NBAS: variants seen among roughly 807,000 people sequenced by gnomAD.
The protein encoded by NBAS is NBAS subunit of NRZ tethering complex.
A neutral mutation model predicts 302.5 loss-of-function variants in NBAS; 219 were observed. The ratio of observed to expected loss-of-function variants is 0.72; its 90% CI spans 0.65 to 0.81. The LOEUF is 0.81. Ranked by LOEUF, NBAS falls within the 30% of genes least tolerant of loss-of-function variation. NBAS has a pLI of 0.00. For synonymous variants in NBAS, 1,118 were observed against 1,021.6 expected (o/e 1.09, Z -1.80); for missense variants, 2,932 against 2,841.6 (o/e 1.03, Z -0.72).
At chr2:15,517,176 A>G (rs878869674) in intron 9 of NBAS, among the ~76,000 whole-genome samples, 1 of 152,042 alleles carries the variant, frequency 6.6e-6, no homozygotes, top group African/African-American at 2.4e-5. Flanking sequence ...GTTTAGAGGT[A>G]TATGTTCAGG....
intron 46 of NBAS, among the ~76,000 whole-genome samples, chr2:15,234,166 C>T (rs1667491986): frequency 5.3e-5 from 8 of 152,172 alleles, no homozygotes; most frequent in Admixed American, 5.2e-4. Flanking sequence ...TTCTGGGAAC[C>T]ATTTTCCCAC....
At chr2:15,245,273 A>C (rs1668041553) in intron 44 of NBAS, among the ~76,000 whole-genome samples, 3 of 149,280 alleles carry the variant, frequency 2.0e-5, no homozygotes, top group Non-Finnish European at 3.0e-5. Flanking sequence ...CTGCCTTCAC[A>C]CTCTCAGGCC....
In NBAS at chr2:15,467,350, T is replaced by C; in HGVS notation, c.2076A>G (p.Leu692=). The change falls in exon 19 of 52, where the codon TTA becomes TTG. Residue 692 remains leucine, a synonymous_variant. Coordinates refer to ENST00000281513, the MANE Select transcript of NBAS (RefSeq NM_015909.4). ...TTACCTCATATGTTGCAAGTCGATC[T>C]AAGTAGGTTAATAACTTCCGTCTAC... ...CRCRRKLLTY[L]DRLATYEEIL... is the part of the protein sequence containing the mutation. The C allele has an allele frequency of 6.2e-7, 1 of 1,613,150 alleles. No homozygotes were observed. Among genetic ancestry groups the C allele is most frequent in the Non-Finnish European group, 8.5e-7 (1 of 1,179,260 alleles).
chr2:15,012,377 A>G, the NBAS span, among the ~76,000 whole-genome samples: 7 of 152,132 alleles, frequency 4.6e-5, no homozygotes, highest in African/African-American at 1.7e-4. Flanking sequence ...AAGAATAAAA[A>G]AGAAAAGAAA....
chr2:14,957,790 C>A, the NBAS span, among the ~76,000 whole-genome samples: 1 of 152,204 alleles, frequency 6.6e-6, no homozygotes, highest in Non-Finnish European at 1.5e-5. Context: ...CTCATCCTTC[C>A]CACCAGGGGA....
chr2:15,417,679 T>A lies in NBAS; in HGVS notation c.2611A>T (p.Met871Leu), dbSNP rs1677012266. ...DCALSLIRLG[M>L]ERNIPGLLVL... ...AGCAAACCAGGAATATTCCGCTCCA[T>A]CCCAAGTCGAATAAGTGACAATGCA... The change falls in exon 24 of 52, where the codon ATG becomes TTG. Residue 871 changes from methionine to leucine, a missense_variant. Met to Leu is a conservative substitution (Grantham distance 15). Transcript: ENST00000281513. 6.2e-7 allele frequency: 1 copy of A among 1,613,918 alleles called. No individual in the cohort carries two copies. The highest frequency in any genetic ancestry group is 1.7e-5 in the Admixed American group (1 of 60,008).
chr2:15,273,311 C>T (rs1030200588), intron 44 of NBAS, among the ~76,000 whole-genome samples: 3 of 152,324 alleles, frequency 2.0e-5, no homozygotes, highest in Non-Finnish European at 2.9e-5. Flanking sequence ...AGGTTCCTGC[C>T]TGGACTTTCT....
At chr2:15,206,209 C>T (rs1666136034) in intron 48 of NBAS, among the ~76,000 whole-genome samples, 1 of 152,158 alleles carries the variant, frequency 6.6e-6, no homozygotes, top group Non-Finnish European at 1.5e-5. Flanking sequence ...GTCACTCTTG[C>T]TATGCTTTAG....
chr2:15,125,869 CT>C, the NBAS span, among the ~76,000 whole-genome samples: 1 of 152,086 alleles, frequency 6.6e-6, no homozygotes, highest in African/African-American at 2.4e-5. Context: ...ACTTGGAGCT[CT>C]TGATTAAGTT....
the NBAS span, among the ~76,000 whole-genome samples, chr2:15,010,325 AG>A: frequency 6.6e-6 from 1 of 152,180 alleles, no homozygotes; most frequent in Non-Finnish European, 1.5e-5. Context: ...GAAGAATAAA[AG>A]GCCCTTGATT....
At chr2:15,207,171 A>G (rs184670296) in intron 48 of NBAS, among the ~76,000 whole-genome samples, 2 of 152,314 alleles carry the variant, frequency 1.3e-5, no homozygotes, top group Admixed American at 1.3e-4. Flanking sequence ...TGCATGACCG[A>G]GCCCTGGATA....
At position 15,275,859 on chromosome 2, in the gene NBAS, A is replaced by G. The variant is rs754767598; in HGVS notation, c.5390-41T>C. On this transcript the variant is annotated intron_variant, in intron 43 of 51. Transcript: ENST00000281513. ...AGAAAGTAGGTAAGTGGTTCATTCC[A>G]ATGTAAACATAGAGTCACTTTCAAA... The G allele has an allele frequency of 3.2e-6, 5 of 1,557,958 alleles. No individual in the cohort carries two copies. In the South Asian group the frequency reaches 3.3e-5, roughly 10 times the overall value.
chr2:15,052,580 TACA>T, the NBAS span, among the ~76,000 whole-genome samples: 1 of 152,316 alleles, frequency 6.6e-6, no homozygotes, highest in Middle Eastern at 3.4e-3. Context: ...CTCTGCAGCA[TACA>T]ACAAGAAACT....
At chr2:15,169,963 C>T (rs1264692542) in intron 51 of NBAS, among the ~76,000 whole-genome samples, 1 of 152,236 alleles carries the variant, frequency 6.6e-6, no homozygotes, top group Non-Finnish European at 1.5e-5. Context: ...CAGGACAGAA[C>T]AGTGTGTGCC....
the NBAS span, among the ~76,000 whole-genome samples, chr2:14,842,528 C>T: frequency 6.6e-6 from 1 of 151,766 alleles, no homozygotes; most frequent in African/African-American, 2.4e-5. Context: ...TCACCAGAGA[C>T]TATTAGGAAA....
chr2:14,806,320 T>A, the NBAS span, among the ~76,000 whole-genome samples: 2 of 152,322 alleles, frequency 1.3e-5, no homozygotes, highest in East Asian at 1.9e-4. Context: ...CCATCATGTG[T>A]ATGTGTCTCT....
rs528522346 is a variant in NBAS, at chr2:15,294,096, G to A, written c.4798-1330C>T. ...AACAAGTCATTCACTAAGAGGACACGGCCCTTCCCTACAGGAATACAGTCT... is the reference window on the plus strand; with the variant it reads ...AACAAGTCATTCACTAAGAGGACACAGCCCTTCCCTACAGGAATACAGTCT... On this transcript the variant is annotated intron_variant, in intron 40 of 51. Transcript: ENST00000281513. 3.9e-5 allele frequency among the ~76,000 whole-genome samples: 6 copies of A among 152,246 alleles called. No homozygotes were observed. In the South Asian group the frequency reaches 8.3e-4, roughly 21 times the overall value.
chr2:14,908,492 G>GT, the NBAS span, among the ~76,000 whole-genome samples: 6 of 152,336 alleles, frequency 3.9e-5, no homozygotes, highest in Admixed American at 6.5e-5. Flanking sequence ...ATACTAGCAT[G>GT]TTTTTTACGT....
chr2:14,863,163 T>C, the NBAS span, among the ~76,000 whole-genome samples: 4 of 152,190 alleles, frequency 2.6e-5, no homozygotes, highest in Admixed American at 1.3e-4. Context: ...ACCTTTATAA[T>C]CTCAAATGGG....
Sources: allele counts gnomAD v4.1 joint callset (sites outside exome capture counted in the v4.1 genomes callset), GRCh38; gene constraint gnomAD v4.1.1; transcripts MANE v1.5; gene names NCBI Gene and HGNC (gene_info 2026-07-23, HGNC 2026-07-21).